The following PTPRM variants were observed in gnomAD, a reference collection of about 807,000 sequenced individuals.
The protein encoded by PTPRM is protein tyrosine phosphatase receptor type M, also known as receptor-type tyrosine-protein phosphatase mu.
PTPRM carries 47 observed loss-of-function variants against 186.7 expected under a neutral mutation model. The observed-to-expected ratio is 0.25, with a 90% CI of 0.20 to 0.32. The LOEUF (loss-of-function observed/expected upper bound fraction) is 0.32, where lower values mean the gene tolerates loss of function less well. Ranked by LOEUF, PTPRM falls within the 10% of genes least tolerant of loss-of-function variation. The pLI, the probability that PTPRM is intolerant of heterozygous loss-of-function variation, is 1.00. For synonymous variants in PTPRM, 668 were observed against 674.9 expected (o/e 0.99, Z 0.16); for missense variants, 1,494 against 1,865.0 (o/e 0.80, Z 3.66).
intron 4 of PTPRM, among the ~76,000 whole-genome samples, chr18:7,917,646 A>G (rs1440417543): frequency 6.6e-6 from 1 of 152,220 alleles, no homozygotes; most frequent in Non-Finnish European, 1.5e-5. Flanking sequence ...TGTAACTGGG[A>G]TATCCATCAC....
At chr18:8,105,322 C>G (rs1313083061) in intron 11 of PTPRM, among the ~76,000 whole-genome samples, 1 of 152,172 alleles carries the variant, frequency 6.6e-6, no homozygotes, top group Non-Finnish European at 1.5e-5. Flanking sequence ...AAATAATACT[C>G]TGGATTCCTT....
intron 11 of PTPRM, among the ~76,000 whole-genome samples, chr18:8,111,964 A>G (rs1174606044): frequency 6.6e-6 from 1 of 152,062 alleles, no homozygotes; most frequent in Non-Finnish European, 1.5e-5. Context: ...ACCGCTGTCA[A>G]CTGTGGCTGT....
chr18:8,229,360 AT>A (rs2094255665), intron 14 of PTPRM, among the ~76,000 whole-genome samples: 1 of 152,158 alleles, frequency 6.6e-6, no homozygotes, highest in East Asian at 1.9e-4. Context: ...CTAACCAGAG[AT>A]TCTTTTGAAA....
intron 1 of PTPRM, among the ~76,000 whole-genome samples, chr18:7,660,347 TAATAA>T (rs1568012045): frequency 1.4e-5 from 2 of 142,088 alleles, no homozygotes; most frequent in African/African-American, 5.7e-5. Flanking sequence ...AAAAAAAAAA[TAATAA>T]AATAAGTAAA....
intron 1 of PTPRM, among the ~76,000 whole-genome samples, chr18:7,621,078 G>T (rs771964877): frequency 2.0e-4 from 31 of 152,032 alleles, no homozygotes; most frequent in Non-Finnish European, 3.5e-4. Context: ...TAAAACTTAC[G>T]CAGTGCTTAT....
In PTPRM at chr18:7,871,682, G is replaced by GCTGT. The variant is rs538039431; in HGVS notation, c.197-16422_197-16419dup. 5.7e-4 allele frequency among the ~76,000 whole-genome samples: 87 copies of GCTGT among 152,270 alleles called. 1 individual carries two copies. The East Asian group carries it at 0.013, about 22-fold the overall frequency. ...GCTCAGAGTTCCCTTTCTCTAAAGA[G>GCTGT]CTGTCACTAGCACCCCACCTCCCTG... On this transcript the variant is annotated intron_variant, in intron 2 of 32. Transcript: ENST00000580170.
chr18:8,147,954 T>C (rs2092923153), intron 14 of PTPRM, among the ~76,000 whole-genome samples: 1 of 152,180 alleles, frequency 6.6e-6, no homozygotes. Context: ...GTTTATTGAT[T>C]TGTGTATGTT....
At chr18:8,394,363 G>A in intron 31 of PTPRM, 113 bp from the exon 32 acceptor site, 1 of 1,233,528 alleles carries the variant, frequency 8.1e-7, no homozygotes, top group Non-Finnish European at 1.1e-6. Flanking sequence ...CCCGGCCTCA[G>A]AGCCCTTTGT....
chr18:8,304,140 C>T (rs531162409), intron 20 of PTPRM, among the ~76,000 whole-genome samples: 12 of 152,224 alleles, frequency 7.9e-5, no homozygotes, highest in South Asian at 4.2e-4. Flanking sequence ...CTATTTCTGC[C>T]GCTGTGGGAA....
intron 20 of PTPRM, among the ~76,000 whole-genome samples, chr18:8,296,763 T>G (rs1601686171): frequency 6.6e-6 from 1 of 152,174 alleles, no homozygotes; most frequent in Non-Finnish European, 1.5e-5. Flanking sequence ...GGTTCCCAGC[T>G]GCTACGTGAG....
At chr18:8,095,565 A>T (rs1299793042) in intron 11 of PTPRM, among the ~76,000 whole-genome samples, 1 of 152,068 alleles carries the variant, frequency 6.6e-6, no homozygotes, top group Admixed American at 6.6e-5. Context: ...CAGGGAAAAA[A>T]TGTAAGGAAG....
At chr18:7,750,372 T>C (rs1161090022) in intron 1 of PTPRM, among the ~76,000 whole-genome samples, 1 of 152,214 alleles carries the variant, frequency 6.6e-6, no homozygotes, top group African/African-American at 2.4e-5. Context: ...TGAAGTACTT[T>C]GTAGAATTAA....
At chr18:8,134,169 C>A (rs1222506942) in intron 13 of PTPRM, among the ~76,000 whole-genome samples, 1 of 152,130 alleles carries the variant, frequency 6.6e-6, no homozygotes, top group African/African-American at 2.4e-5. Context: ...CAGGGGAAAG[C>A]CTCTCTCAGC....
chr18:8,384,794 G>C (rs1274693100), intron 30 of PTPRM, 108 bp downstream of exon 30: 14 of 1,421,574 alleles, frequency 9.8e-6, no homozygotes, highest in Admixed American at 3.9e-5. Context: ...GGAGTTTGGA[G>C]TATGTCAGTG....
intron 2 of PTPRM, among the ~76,000 whole-genome samples, chr18:7,827,228 G>A (rs1443885673): frequency 6.6e-6 from 1 of 152,150 alleles, no homozygotes; most frequent in Non-Finnish European, 1.5e-5. Flanking sequence ...GCAAATTACT[G>A]TGTCCCTCAT....
intron 7 of PTPRM, among the ~76,000 whole-genome samples, chr18:8,045,779 C>T (rs1488268572): frequency 6.6e-6 from 1 of 152,104 alleles, no homozygotes; most frequent in African/African-American, 2.4e-5. Flanking sequence ...GTACTAAAAA[C>T]CATTGAATTG....
intron 21 of PTPRM, among the ~76,000 whole-genome samples, chr18:8,317,371 G>A (rs758219868): frequency 3.9e-5 from 6 of 152,058 alleles, no homozygotes; most frequent in Non-Finnish European, 7.4e-5. Context: ...AGGAAATGAG[G>A]AGTTCAGTCT....
intron 2 of PTPRM, among the ~76,000 whole-genome samples, chr18:7,873,058 T>G (rs1402064779): frequency 2.0e-5 from 3 of 152,218 alleles, no homozygotes; most frequent in Non-Finnish European, 2.9e-5. Flanking sequence ...AAATGATAGA[T>G]TTTATTTTCA....
At chr18:8,380,000 T>A (rs1313922395) in intron 28 of PTPRM, among the ~76,000 whole-genome samples, 1 of 152,224 alleles carries the variant, frequency 6.6e-6, no homozygotes, top group African/African-American at 2.4e-5. Context: ...TTAAATTTTC[T>A]CCATCAAGAT....
Sources: allele counts gnomAD v4.1 joint callset (sites outside exome capture counted in the v4.1 genomes callset), GRCh38; gene constraint gnomAD v4.1.1; transcripts MANE v1.5; gene names NCBI Gene and HGNC (gene_info 2026-07-23, HGNC 2026-07-21).